Variants in HIVEP3 observed in about 807,000 individuals in gnomAD.
HIVEP3 encodes HIVEP zinc finger 3, also known as transcription factor HIVEP3.
A neutral mutation model predicts 152.8 loss-of-function variants in HIVEP3; 49 were observed. The ratio of observed to expected loss-of-function variants is 0.32; its 90% CI spans 0.26 to 0.41. HIVEP3 has a LOEUF of 0.41. Ranked by LOEUF, HIVEP3 falls within the 10% of genes least tolerant of loss-of-function variation. The pLI is 1.00. For missense variants in HIVEP3, 2,790 were observed against 3,103.3 expected (o/e 0.90, Z 2.40); for synonymous variants, 1,269 against 1,289.0 (o/e 0.98, Z 0.33).
intron 1 of HIVEP3, among the ~76,000 whole-genome samples, chr1:41,822,774 G>A (rs78980270): frequency 2.1e-3 from 320 of 152,318 alleles, no homozygotes; most frequent in African/African-American, 6.6e-3. Flanking sequence ...AACTCCAAGC[G>A]TCTTCCTACC....
chr1:41,964,016 G>A (rs949177496), intron 1 of HIVEP3, among the ~76,000 whole-genome samples: 1 of 152,202 alleles, frequency 6.6e-6, no homozygotes, highest in Admixed American at 6.5e-5. Flanking sequence ...ATATGTTGAC[G>A]TCCTTCCTAA....
chr1:41,782,985 T>C (rs440734), intron 1 of HIVEP3, among the ~76,000 whole-genome samples: 2,911 of 152,152 alleles, frequency 0.019, 84 homozygotes, highest in African/African-American at 0.067. Flanking sequence ...GCAGCGGGGC[T>C]TCAGGGTGCC....
In HIVEP3 at chr1:41,582,973, T is replaced by C; in HGVS notation, c.1825A>G (p.Ser609Gly). 1.2e-6 allele frequency: 2 copies of C among 1,614,098 alleles called. No individual in the cohort carries two copies. The highest frequency in any genetic ancestry group is 1.3e-5 in the African/African-American group (1 of 75,014). Residue 609 changes from serine to glycine, a missense_variant, in exon 4 of 9, where the codon AGC becomes GGC. Around this residue, in one of 9 missense-constraint regions of HIVEP3, gnomAD observed 339 missense variants for 327.0 expected, o/e 1.04. Transcript: ENST00000372583. This position sits in a 1 kb window ranked among gnomAD's most constrained non-coding sequence, Gnocchi z 4.7. ...GGCTTGGAGGCTGTGTCTTTGCTGC[T>C]TGGGCCAGGCTCCTCAGAACTGTAT... ...GEYSSEEPGP[S>G]SKDTASKPSD...
At chr1:41,916,345 G>A (rs1644871220) in intron 1 of HIVEP3, among the ~76,000 whole-genome samples, 1 of 152,170 alleles carries the variant, frequency 6.6e-6, no homozygotes, top group African/African-American at 2.4e-5. Context: ...CTGGGGTGTT[G>A]AGGGCAAAAA....
chr1:41,893,493 C>T (rs1018734499), intron 1 of HIVEP3, among the ~76,000 whole-genome samples: 1 of 151,988 alleles, frequency 6.6e-6, no homozygotes, highest in Non-Finnish European at 1.5e-5. Context: ...CTGGTAGAGG[C>T]CAGGTTTGCT....
rs1645738832 is a variant in HIVEP3 at position 41,662,845 on chromosome 1, G to A, written c.-720-33898C>T. Among the ~76,000 whole-genome samples the A allele has an allele frequency of 6.6e-6, 1 of 152,170 alleles. No homozygotes were observed. The highest frequency in any genetic ancestry group is 6.5e-5 in the Admixed American group (1 of 15,290). On this transcript the variant is annotated intron_variant, in intron 2 of 8. Transcript: ENST00000372583. The surrounding 1 kb of genome is among the most constrained non-coding windows in gnomAD (Gnocchi z 7.2). Reference sequence around the variant, plus strand: ...TTGGTCGCACCCGGGCCCAGCGGGAGTCCATCGCCGTCCCCAAAGTGTGCG... The same window carrying A: ...TTGGTCGCACCCGGGCCCAGCGGGAATCCATCGCCGTCCCCAAAGTGTGCG...
At chr1:41,960,317 G>C (rs1185193843) in intron 1 of HIVEP3, among the ~76,000 whole-genome samples, 1 of 152,212 alleles carries the variant, frequency 6.6e-6, no homozygotes, top group Non-Finnish European at 1.5e-5. Flanking sequence ...GAATCCTGCA[G>C]AAGTTATCAG....
chr1:41,709,560 C>A (rs747931968), intron 1 of HIVEP3, among the ~76,000 whole-genome samples: 1 of 152,172 alleles, frequency 6.6e-6, no homozygotes, highest in Non-Finnish European at 1.5e-5. Context: ...GGGCAGGAAA[C>A]CAGCCTATAG....
In HIVEP3 at chr1:41,583,447, G is replaced by A. The variant is rs1045111134; in HGVS notation, c.1351C>T (p.Leu451=). Reference sequence around the variant, plus strand: ...GTCCGGGGTACAGACAAAGGCACCAGGCTGGGCTTGTCTTCGGTGGACAGG... The same window carrying A: ...GTCCGGGGTACAGACAAAGGCACCAAGCTGGGCTTGTCTTCGGTGGACAGG... ...LPLSTEDKPS[L]VPLSVPRTQV... is the part of the protein sequence containing the mutation. The change falls in exon 4 of 9, where the codon CTG becomes TTG. Residue 451 remains leucine (L), a synonymous_variant. Transcript: ENST00000372583. This position sits in a 1 kb window ranked among gnomAD's most constrained non-coding sequence, Gnocchi z 6.9. The A allele has an allele frequency of 6.2e-7, 1 of 1,613,908 alleles. No individual in the cohort carries two copies. Among genetic ancestry groups the A allele is most frequent in the Admixed American group, 1.7e-5 (1 of 59,996 alleles).
intron 3 of HIVEP3, among the ~76,000 whole-genome samples, chr1:41,627,914 C>G (rs1645141122): frequency 7.1e-6 from 1 of 141,452 alleles, no homozygotes; most frequent in Non-Finnish European, 1.6e-5. Context: ...CTTCCTTTGT[C>G]ATACCAGGCA....
chr1:41,985,305 T>A (rs1017502911), intron 1 of HIVEP3, among the ~76,000 whole-genome samples: 12 of 151,860 alleles, frequency 7.9e-5, no homozygotes, highest in Non-Finnish European at 1.6e-4. Flanking sequence ...ACATGAAGAG[T>A]CTACTCTTAG....
chr1:41,711,740 T>C lies in HIVEP3; in HGVS notation c.-800-10745A>G, dbSNP rs534003796. The stretch of plus-strand genomic sequence containing the variant: ...CCCGATGCCAGAGACAGGCTCTCTG[T>C]GTTGAGCGGCCCGAGTGGTTCCAAC... On this transcript the variant is annotated intron_variant, in intron 1 of 8. Coordinates refer to ENST00000372583, the MANE Select transcript of HIVEP3 (RefSeq NM_024503.5). 2.6e-5 allele frequency among the ~76,000 whole-genome samples: 4 copies of C among 152,262 alleles called. No homozygotes were observed. The East Asian group carries it at 5.8e-4, about 22-fold the overall frequency.
intron 4 of HIVEP3, among the ~76,000 whole-genome samples, chr1:41,577,696 CAG>C (rs1644347244): frequency 6.6e-6 from 1 of 152,162 alleles, no homozygotes; most frequent in Non-Finnish European, 1.5e-5. Context: ...GAACTACTAA[CAG>C]AGAATGGAAG....
rs149603150 is a variant in HIVEP3 at position 41,753,312 on chromosome 1, G to A, written c.-800-52317C>T. On this transcript the variant is annotated intron_variant, in intron 1 of 8. Coordinates refer to ENST00000372583, the MANE Select transcript of HIVEP3 (RefSeq NM_024503.5). The stretch of plus-strand genomic sequence containing the variant: ...TAATCCTAAGGAAATAATCATGACT[G>A]TGTATGAGTAATTCACTCCAAGGAT... 1.3e-3 allele frequency among the ~76,000 whole-genome samples: 201 copies of A among 152,288 alleles called. 1 individual carries two copies. The highest frequency in any genetic ancestry group is 4.4e-3 in the African/African-American group (183 of 41,556).
chr1:41,685,687 C>T (rs1446034598), intron 2 of HIVEP3, among the ~76,000 whole-genome samples: 1 of 152,244 alleles, frequency 6.6e-6, no homozygotes, highest in Non-Finnish European at 1.5e-5. Flanking sequence ...CTTTTTGGAA[C>T]AGAGTCAGGG....
chr1:41,881,826 C>A (rs1644266671), intron 1 of HIVEP3, among the ~76,000 whole-genome samples: 1 of 152,076 alleles, frequency 6.6e-6, no homozygotes, highest in Non-Finnish European at 1.5e-5. Flanking sequence ...AACTTCAGTC[C>A]AAATTATTTG....
chr1:41,578,595 G>A (rs1207224778), intron 4 of HIVEP3, among the ~76,000 whole-genome samples: 1 of 152,174 alleles, frequency 6.6e-6, no homozygotes, highest in Non-Finnish European at 1.5e-5. Flanking sequence ...ACCTAATTTG[G>A]TCAGAGCTTC....
chr1:41,582,968 G>A lies in HIVEP3; in HGVS notation c.1830C>T (p.Ser610=). 3 of 1,614,064 alleles carry A rather than the reference G, an allele frequency of 1.9e-6. No individual in the cohort carries two copies. The highest frequency in any genetic ancestry group is 2.5e-6 in the Non-Finnish European group (3 of 1,180,030). The change falls in exon 4 of 9, where the codon AGC becomes AGT. Residue 610 remains serine, a synonymous_variant. Transcript: ENST00000372583. This position sits in a 1 kb window ranked among gnomAD's most constrained non-coding sequence, Gnocchi z 4.7. ...EYSSEEPGPS[S]KDTASKPSDE... is the part of the protein sequence containing the mutation. The stretch of plus-strand genomic sequence containing the variant: ...CCGAGGGCTTGGAGGCTGTGTCTTT[G>A]CTGCTTGGGCCAGGCTCCTCAGAAC...
At chr1:42,025,173 A>G (rs1333407443) in intron 1 of HIVEP3, among the ~76,000 whole-genome samples, 2 of 152,066 alleles carry the variant, frequency 1.3e-5, no homozygotes, top group Non-Finnish European at 2.9e-5. Flanking sequence ...TCCAGCTTCC[A>G]TGTCTTTTAG....
Sources: allele counts gnomAD v4.1 joint callset (sites outside exome capture counted in the v4.1 genomes callset), GRCh38; gene constraint gnomAD v4.1.1; regional missense constraint gnomAD v4.1.1; non-coding constraint Gnocchi (gnomAD v3.1); transcripts MANE v1.5; gene names NCBI Gene and HGNC (gene_info 2026-07-23, HGNC 2026-07-21).